Variants in CNTNAP2 observed in about 807,000 individuals in gnomAD.
CNTNAP2 encodes the protein contactin associated protein 2, also known as contactin-associated protein-like 2.
CNTNAP2 carries 98 observed loss-of-function variants against 155.2 expected under a neutral mutation model. The ratio of observed to expected loss-of-function variants is 0.63; its 90% CI spans 0.54 to 0.75. The LOEUF is 0.75. Among genes scored for constraint, CNTNAP2 ranks in the 30% least tolerant of loss-of-function variants. The pLI, the probability that CNTNAP2 is intolerant of heterozygous loss-of-function variation, is 0.00. For missense variants in CNTNAP2, 1,727 were observed against 1,688.1 expected (o/e 1.02, Z -0.40); for synonymous variants, 651 against 631.2 (o/e 1.03, Z -0.47).
intron 15 of CNTNAP2, among the ~76,000 whole-genome samples, chr7:147,995,592 A>C (rs1585068219): frequency 1.3e-5 from 2 of 150,848 alleles, no homozygotes; most frequent in African/African-American, 4.9e-5. Flanking sequence ...CAGTGGTGCA[A>C]CCTCAGCTCA....
At chr7:147,410,517 G>A (rs1184153870) in intron 10 of CNTNAP2, among the ~76,000 whole-genome samples, 1 of 152,096 alleles carries the variant, frequency 6.6e-6, no homozygotes, top group Admixed American at 6.5e-5. Flanking sequence ...TAACAAACCT[G>A]CACATGAGCA....
intron 9 of CNTNAP2, among the ~76,000 whole-genome samples, chr7:147,334,034 T>C (rs1164001973): frequency 2.6e-5 from 4 of 152,186 alleles, no homozygotes; most frequent in Non-Finnish European, 5.9e-5. Context: ...CTCATGTGCT[T>C]GAATTCCTTG....
intron 19 of CNTNAP2, among the ~76,000 whole-genome samples, chr7:148,222,543 G>GATGAATGGATCATTCCATGAATCT (rs71188952): frequency 0.58 from 82,746 of 142,462 alleles, 24,507 homozygotes; most frequent in Middle Eastern, 0.62. Context: ...TCCATGAATC[G>GATGAATGGATCATTCCATGAATCT]ATGAATGGAT....
chr7:147,142,013 C>T (rs771018024), intron 8 of CNTNAP2, among the ~76,000 whole-genome samples: 1 of 152,150 alleles, frequency 6.6e-6, no homozygotes, highest in African/African-American at 2.4e-5. Context: ...ATCATGTCAT[C>T]TGCGAACAGT....
At chr7:146,435,824 A>G (rs1431828963) in intron 1 of CNTNAP2, among the ~76,000 whole-genome samples, 2 of 152,168 alleles carry the variant, frequency 1.3e-5, no homozygotes, top group African/African-American at 2.4e-5. Flanking sequence ...CATATATTTT[A>G]AAGAGTTAAG....
At chr7:147,291,141 T>C (rs1394996569) in intron 8 of CNTNAP2, among the ~76,000 whole-genome samples, 1 of 151,500 alleles carries the variant, frequency 6.6e-6, no homozygotes, top group Non-Finnish European at 1.5e-5. Context: ...ATCAGCTTGA[T>C]TTTTTTATTC....
intron 2 of CNTNAP2, among the ~76,000 whole-genome samples, chr7:146,826,025 A>C (rs1049673970): frequency 1.3e-5 from 2 of 152,008 alleles, no homozygotes; most frequent in Non-Finnish European, 2.9e-5. Flanking sequence ...CTTTTTTGCT[A>C]TTCTGCATTT....
intron 15 of CNTNAP2, among the ~76,000 whole-genome samples, chr7:148,108,300 A>G (rs1431531970): frequency 1.3e-5 from 2 of 152,130 alleles, no homozygotes; most frequent in Non-Finnish European, 2.9e-5. Context: ...AAAGCGTAAC[A>G]CAGGGCTGGT....
chr7:147,992,600 AG>A lies in CNTNAP2; in HGVS notation c.2383+14612del, dbSNP rs1801730837. ...TCCATAGTTTCTCATTAAGTCCAAG[AG>A]CCAATTGTGCTAAAGTAAATGAATA... On this transcript the variant is annotated intron_variant, in intron 15 of 23. Coordinates refer to ENST00000361727, the MANE Select transcript of CNTNAP2 (RefSeq NM_014141.6). Among the ~76,000 whole-genome samples, 3 of 152,194 alleles carry A rather than the reference AG, an allele frequency of 2.0e-5. No homozygotes were observed. The South Asian group carries it at 6.2e-4, about 31-fold the overall frequency.
chr7:148,095,604 T>C (rs1280771846), intron 15 of CNTNAP2, among the ~76,000 whole-genome samples: 1 of 152,216 alleles, frequency 6.6e-6, no homozygotes, highest in African/African-American at 2.4e-5. Flanking sequence ...CTCAGCAAGC[T>C]GCCTTTTCAG....
At chr7:147,890,482 T>C (rs1057378949) in intron 13 of CNTNAP2, among the ~76,000 whole-genome samples, 1 of 152,230 alleles carries the variant, frequency 6.6e-6, no homozygotes, top group Non-Finnish European at 1.5e-5. Flanking sequence ...CAGCCATCTC[T>C]CTACCTGCTA....
chr7:148,262,608 C>T (rs1164777910), intron 20 of CNTNAP2, among the ~76,000 whole-genome samples: 3 of 152,114 alleles, frequency 2.0e-5, no homozygotes, highest in Non-Finnish European at 4.4e-5. Flanking sequence ...CACATCTTCT[C>T]TCCACTGCGA....
intron 4 of CNTNAP2, among the ~76,000 whole-genome samples, chr7:147,056,212 TA>T (rs1563059844): frequency 6.6e-6 from 1 of 152,194 alleles, no homozygotes; most frequent in Non-Finnish European, 1.5e-5. Context: ...TTCCCTGTTA[TA>T]AAAATTATTT....
At chr7:147,861,999 C>CAAAAAAAAAAA (rs57139075) in intron 13 of CNTNAP2, among the ~76,000 whole-genome samples, 2,008 of 94,788 alleles carry the variant, frequency 0.021, 88 homozygotes, top group Non-Finnish European at 0.033. Context: ...CTCCATCTCA[C>CAAAAAAAAAAA]AAAAAAAAAA....
intron 8 of CNTNAP2, among the ~76,000 whole-genome samples, chr7:147,239,165 TAA>T (rs1803881546): frequency 6.6e-6 from 1 of 151,822 alleles, no homozygotes; most frequent in Non-Finnish European, 1.5e-5. Context: ...CTCTGCTTGA[TAA>T]AAACATTGCA....
At chr7:146,699,357 A>G (rs1249885637) in intron 1 of CNTNAP2, among the ~76,000 whole-genome samples, 2 of 152,162 alleles carry the variant, frequency 1.3e-5, no homozygotes, top group African/African-American at 4.8e-5. Flanking sequence ...CTTAAATAAG[A>G]TCTGAGACAT....
intron 10 of CNTNAP2, among the ~76,000 whole-genome samples, chr7:147,414,712 T>C (rs867971507): frequency 2.8e-4 from 42 of 151,604 alleles, no homozygotes; most frequent in South Asian, 4.1e-4. Context: ...GAGGCCAAGG[T>C]GGGCGGATCA....
intron 1 of CNTNAP2, among the ~76,000 whole-genome samples, chr7:146,631,958 A>AT (rs57497396): frequency 0.65 from 99,118 of 152,006 alleles, 33,739 homozygotes; most frequent in African/African-American, 0.82. Flanking sequence ...ACTTTTTAAG[A>AT]TAAAAATTGA....
chr7:147,259,084 A>G (rs1276505854), intron 8 of CNTNAP2, among the ~76,000 whole-genome samples: 1 of 152,192 alleles, frequency 6.6e-6, no homozygotes, highest in Non-Finnish European at 1.5e-5. Flanking sequence ...GCTTCCTTCC[A>G]GTGTGCGTTA....
Sources: allele counts gnomAD v4.1 joint callset (sites outside exome capture counted in the v4.1 genomes callset), GRCh38; gene constraint gnomAD v4.1.1; transcripts MANE v1.5; gene names NCBI Gene and HGNC (gene_info 2026-07-23, HGNC 2026-07-21).